The following EYA1 variants were observed in gnomAD, a reference collection of about 807,000 sequenced individuals.
EYA1 encodes the protein protein phosphatase EYA1.
EYA1 carries 16 observed loss-of-function variants against 82.0 expected under a neutral mutation model. The observed-to-expected ratio is 0.20, with a 90% CI of 0.13 to 0.30. The LOEUF is 0.30. Among genes scored for constraint, EYA1 ranks in the 10% least tolerant of loss-of-function variants. The pLI, the probability that EYA1 is intolerant of heterozygous loss-of-function variation, is 1.00. For missense variants in EYA1, 633 were observed against 730.7 expected (o/e 0.87, Z 1.54); for synonymous variants, 261 against 264.4 (o/e 0.99, Z 0.12).
intron 2 of EYA1, among the ~76,000 whole-genome samples, chr8:71,438,590 G>A (rs927178599): frequency 6.6e-6 from 1 of 152,130 alleles, no homozygotes; most frequent in East Asian, 1.9e-4. Context: ...CAGTGCAGAC[G>A]AAATGATAGG....
chr8:71,423,289 T>A (rs1213213975), intron 2 of EYA1, among the ~76,000 whole-genome samples: 1 of 152,018 alleles, frequency 6.6e-6, no homozygotes, highest in Non-Finnish European at 1.5e-5. Flanking sequence ...CATACTGTTT[T>A]AAACATCTGA....
At position 71,531,890 on chromosome 8, in the gene EYA1, C is replaced by G. The variant is rs138263833; in HGVS notation, c.33+3854G>C. On this transcript the variant is annotated intron_variant, in intron 2 of 18. Transcript: ENST00000643681. ...CTTACAAAATCACACGTGTTACTGA[C>G]TCTTCCTAAATGTGGGAGACACATA... is the stretch of plus-strand genomic sequence containing the variant. 1.8e-3 allele frequency among the ~76,000 whole-genome samples: 281 copies of G among 152,306 alleles called. No homozygotes were observed. In the Middle Eastern group the frequency reaches 0.024, roughly 13 times the overall value.
At chr8:71,293,134 G>A (rs1819189227) in intron 9 of EYA1, among the ~76,000 whole-genome samples, 1 of 151,840 alleles carries the variant, frequency 6.6e-6, no homozygotes, top group African/African-American at 2.4e-5. Flanking sequence ...AACATTAAAA[G>A]GATAATAAAG....
intron 11 of EYA1, 128 bp downstream of exon 11, chr8:71,269,612 G>T: frequency 4.9e-6 from 3 of 608,394 alleles, no homozygotes; most frequent in Non-Finnish European, 8.5e-6. Context: ...ATATATATTT[G>T]ACTATATAGT....
chr8:71,293,571 G>C (rs1819235231), intron 9 of EYA1, among the ~76,000 whole-genome samples: 1 of 151,962 alleles, frequency 6.6e-6, no homozygotes, highest in Admixed American at 6.6e-5. Flanking sequence ...ATCCAACAAT[G>C]TATAAAAAGA....
chr8:71,216,633 C>T, intron 14 of EYA1, 59 bp downstream of exon 14: 2 of 1,560,936 alleles, frequency 1.3e-6, no homozygotes, highest in Non-Finnish European at 1.8e-6. Context: ...GTGTACAGTA[C>T]TTTTGGAATT....
chr8:71,329,929 C>T (rs1257098385), intron 4 of EYA1, among the ~76,000 whole-genome samples: 5 of 152,018 alleles, frequency 3.3e-5, no homozygotes, highest in South Asian at 2.1e-4. Flanking sequence ...AGAGCTGCAC[C>T]GAGTCAAGTG....
intron 9 of EYA1, among the ~76,000 whole-genome samples, chr8:71,286,801 T>C (rs1273808244): frequency 2.4e-5 from 1 of 41,862 alleles, no homozygotes; most frequent in Non-Finnish European, 4.1e-5. Flanking sequence ...TTGGTAGTTT[T>C]TTTTTTTTTT....
At chr8:71,498,598 C>T (rs1811590786) in intron 2 of EYA1, among the ~76,000 whole-genome samples, 1 of 152,106 alleles carries the variant, frequency 6.6e-6, no homozygotes, top group African/African-American at 2.4e-5. Context: ...CATGGCTAGA[C>T]AAGCTCAGCC....
chr8:71,513,988 T>C (rs750202496), intron 2 of EYA1, among the ~76,000 whole-genome samples: 3 of 152,190 alleles, frequency 2.0e-5, no homozygotes, highest in Non-Finnish European at 4.4e-5. Flanking sequence ...GGCTGAATAG[T>C]ACTCCACTGT....
chr8:71,274,879 A>C (rs1396576424), intron 9 of EYA1, among the ~76,000 whole-genome samples: 1 of 151,980 alleles, frequency 6.6e-6, no homozygotes, highest in Admixed American at 6.6e-5. Context: ...AGAGAGAGAG[A>C]GTGAGCGAGC....
At chr8:71,289,874 T>C (rs1818803538) in intron 9 of EYA1, among the ~76,000 whole-genome samples, 1 of 152,180 alleles carries the variant, frequency 6.6e-6, no homozygotes, top group South Asian at 2.1e-4. Context: ...AAAAGTAAGG[T>C]GCAGAACAGC....
chr8:71,298,644 G>A (rs1378019812), intron 9 of EYA1, among the ~76,000 whole-genome samples: 1 of 152,102 alleles, frequency 6.6e-6, no homozygotes, highest in East Asian at 1.9e-4. Flanking sequence ...CTATCAGCAA[G>A]ATATTACTTT....
At chr8:71,495,167 G>A (rs962967009) in intron 2 of EYA1, among the ~76,000 whole-genome samples, 7 of 152,126 alleles carry the variant, frequency 4.6e-5, no homozygotes, top group African/African-American at 7.2e-5. Flanking sequence ...AAAATTTCCT[G>A]CTATAAAAGA....
chr8:71,538,710 T>TATACTC (rs1814909629), intron 1 of EYA1, among the ~76,000 whole-genome samples: 1 of 152,156 alleles, frequency 6.6e-6, no homozygotes, highest in African/African-American at 2.4e-5. Context: ...AGGAGTGGTT[T>TATACTC]CTAGAAAAGG....
At chr8:71,389,444 A>G (rs986467360) in intron 2 of EYA1, among the ~76,000 whole-genome samples, 1 of 152,194 alleles carries the variant, frequency 6.6e-6, no homozygotes, top group Non-Finnish European at 1.5e-5. Context: ...ATATTCACTC[A>G]TGAAATGTTT....
chr8:71,213,210 AT>A (rs1808752869), intron 16 of EYA1, among the ~76,000 whole-genome samples: 1 of 152,174 alleles, frequency 6.6e-6, no homozygotes. Context: ...CAAAATGCCC[AT>A]TAAAAAAACA....
At chr8:71,204,471 T>C (rs1321813569) in intron 17 of EYA1, among the ~76,000 whole-genome samples, 1 of 152,246 alleles carries the variant, frequency 6.6e-6, no homozygotes, top group Non-Finnish European at 1.5e-5. Flanking sequence ...ACAGATGCAC[T>C]TGCACATGCA....
At chr8:71,488,925 A>G (rs926422162) in intron 2 of EYA1, among the ~76,000 whole-genome samples, 1 of 152,172 alleles carries the variant, frequency 6.6e-6, no homozygotes, top group African/African-American at 2.4e-5. Flanking sequence ...TAGGCTTTAG[A>G]ATGTATCTCC....
Sources: allele counts gnomAD v4.1 joint callset (sites outside exome capture counted in the v4.1 genomes callset), GRCh38; gene constraint gnomAD v4.1.1; transcripts MANE v1.5; gene names NCBI Gene and HGNC (gene_info 2026-07-23, HGNC 2026-07-21).